Variants in STK40 observed in about 807,000 individuals in gnomAD.
STK40 encodes serine/threonine-protein kinase 40.
A neutral mutation model predicts 47.9 loss-of-function variants in STK40; 13 were observed. The observed-to-expected ratio is 0.27, with a 90% CI of 0.18 to 0.43. The LOEUF is 0.43. STK40 is among the 20% of genes least tolerant of loss of function. STK40 has a pLI of 1.00. For synonymous variants in STK40, 225 were observed against 243.2 expected (o/e 0.93, Z 0.69); for missense variants, 460 against 595.1 (o/e 0.77, Z 2.36).
intron 1 of STK40, among the ~76,000 whole-genome samples, chr1:36,383,288 G>C (rs184668429): frequency 6.6e-6 from 1 of 152,338 alleles, no homozygotes; most frequent in Admixed American, 6.5e-5. Flanking sequence ...TTCCCCAAAG[G>C]TCAGATTAAA....
chr1:36,368,999 A>T (rs1485461548), intron 1 of STK40, among the ~76,000 whole-genome samples: 1 of 152,104 alleles, frequency 6.6e-6, no homozygotes, highest in Admixed American at 6.5e-5. Flanking sequence ...AGCTCCCAAG[A>T]CCTGATTCAC....
At position 36,365,331 on chromosome 1, in the gene STK40, TG is replaced by T. The variant is rs1382916465; in HGVS notation, c.-8-3992del. On this transcript the variant is annotated intron_variant, in intron 1 of 10. Coordinates refer to ENST00000373132, the MANE Select transcript of STK40 (RefSeq NM_001282547.2). ...TAAACCCTAGGAGACTGACTATATG[TG>T]GTGCACCAGAAAGTAAGAGGGATGA... is the stretch of plus-strand genomic sequence containing the variant. Among the ~76,000 whole-genome samples, 7 of 152,206 alleles carry T rather than the reference TG, an allele frequency of 4.6e-5. No individual in the cohort carries two copies. In the East Asian group the frequency reaches 1.3e-3, roughly 29 times the overall value.
intron 1 of STK40, among the ~76,000 whole-genome samples, chr1:36,363,221 T>G (rs1181740534): frequency 1.3e-5 from 2 of 151,910 alleles, no homozygotes; most frequent in African/African-American, 4.8e-5. Flanking sequence ...GAAAATCGCT[T>G]GAACTGGGGA....
chr1:36,345,991 A>ATATATTTTTTTTTTTTTTTT, intron 7 of STK40, among the ~76,000 whole-genome samples: 11 of 26,464 alleles, frequency 4.2e-4, no homozygotes, highest in Non-Finnish European at 6.2e-4. Flanking sequence ...ATATATATAT[A>ATATATTTTTTTTTTTTTTTT]TTTTTTTTTT....
At chr1:36,357,353 G>A (rs1270143251) in intron 4 of STK40, among the ~76,000 whole-genome samples, 3 of 152,214 alleles carry the variant, frequency 2.0e-5, no homozygotes, top group African/African-American at 4.8e-5. Flanking sequence ...GCTGGTCCTG[G>A]CCAGCAAACG....
intron 1 of STK40, among the ~76,000 whole-genome samples, chr1:36,363,684 G>A (rs12082728): frequency 0.011 from 1,706 of 151,214 alleles, 33 homozygotes; most frequent in African/African-American, 0.039. Context: ...GCATGGTGGC[G>A]GGCCCCTGTA....
chr1:36,369,224 T>C (rs895616355), intron 1 of STK40, among the ~76,000 whole-genome samples: 1 of 152,338 alleles, frequency 6.6e-6, no homozygotes, highest in South Asian at 2.1e-4. Context: ...CTTTCTGTAG[T>C]GCAGCTTCAC....
chr1:36,374,320 C>A (rs1291651052), intron 1 of STK40, among the ~76,000 whole-genome samples: 10 of 152,262 alleles, frequency 6.6e-5, no homozygotes. Context: ...CAAGGGGGTG[C>A]ATCCCAGAGA....
intron 4 of STK40, among the ~76,000 whole-genome samples, 166 bp from the exon 5 acceptor site, chr1:36,355,599 G>A (rs1313100873): frequency 6.6e-6 from 1 of 152,174 alleles, no homozygotes; most frequent in Non-Finnish European, 1.5e-5. Flanking sequence ...CCTAGACCAT[G>A]GGGCAGGTCA....
At chr1:36,358,170 C>T (rs1175031126) in intron 4 of STK40, 69 bp downstream of exon 4, 2 of 1,481,794 alleles carry the variant, frequency 1.3e-6, no homozygotes, top group South Asian at 2.8e-5. Context: ...ATGGCTGTGG[C>T]CCCAGCAAGT....
At chr1:36,349,855 C>T (rs1197720281) in intron 6 of STK40, among the ~76,000 whole-genome samples, 1 of 152,162 alleles carries the variant, frequency 6.6e-6, no homozygotes, top group Non-Finnish European at 1.5e-5. Flanking sequence ...TGCCTCTCTA[C>T]CCAACTGCCC....
Position 36,340,930 on chromosome 1 carries a change from G to A in STK40, c.*825C>T, listed in dbSNP as rs1462993701. On this transcript the variant is annotated 3_prime_UTR_variant, in exon 11 of 11. Transcript: ENST00000373132. ...ACGGGGAAGGATAGAGAAGGGAACA[G>A]GTTAACGCGCGTGTACAGCACCTCA... The A allele has an allele frequency of 6.6e-6, 1 of 152,388 alleles. No homozygotes were observed. The highest frequency in any genetic ancestry group is 1.9e-4 in the East Asian group (1 of 5,190). 9.4% of individuals were successfully genotyped at this position (152,388 alleles called of 1,614,324 possible).
intron 6 of STK40, among the ~76,000 whole-genome samples, chr1:36,353,067 G>C (rs1211626735): frequency 6.6e-6 from 1 of 152,234 alleles, no homozygotes; most frequent in Non-Finnish European, 1.5e-5. Context: ...GACCACTGTG[G>C]CTTTGGCCTC....
intron 6 of STK40, among the ~76,000 whole-genome samples, chr1:36,350,635 C>T (rs1215283615): frequency 6.6e-6 from 1 of 152,230 alleles, no homozygotes; most frequent in African/African-American, 2.4e-5. Context: ...TAGCCCAATG[C>T]CTGGCAAATA....
Position 36,341,905 on chromosome 1 carries a change from G to C in STK40, c.1158C>G (p.Ala386=). The change falls in exon 11 of 11, where the codon GCC becomes GCG. Residue 386 remains alanine, a synonymous_variant. Coordinates refer to ENST00000373132, the MANE Select transcript of STK40 (RefSeq NM_001282547.2). The part of the protein sequence containing the change: ...ENYMRQQLLL[A]EEKSSIHDAR... ...CGTCATGGATGGAGCTCTTCTCCTC[G>C]GCCAGCAGCAGCTGCTGACGCATGT... is the stretch of plus-strand genomic sequence containing the variant. 2 of 1,614,016 alleles carry C rather than the reference G, an allele frequency of 1.2e-6. No individual in the cohort carries two copies. The highest frequency in any genetic ancestry group is 1.7e-5 in the Admixed American group (1 of 60,022).
chr1:36,351,535 C>T (rs1646758472), intron 6 of STK40, among the ~76,000 whole-genome samples: 2 of 152,124 alleles, frequency 1.3e-5, no homozygotes, highest in African/African-American at 2.4e-5. Context: ...GCCCATGACT[C>T]AAGTAAAAGG....
At chr1:36,350,836 A>G (rs1646745786) in intron 6 of STK40, among the ~76,000 whole-genome samples, 1 of 152,172 alleles carries the variant, frequency 6.6e-6, no homozygotes, top group Non-Finnish European at 1.5e-5. Context: ...ACGGGCAGGC[A>G]CAGCTGAGGC....
intron 4 of STK40, 93 bp from the exon 5 acceptor site, chr1:36,355,526 A>G (rs1557511802): frequency 7.5e-7 from 1 of 1,327,814 alleles, no homozygotes; most frequent in East Asian, 2.3e-5. Context: ...GGACACTCAA[A>G]CCAGTGAGGG....
chr1:36,352,900 T>C (rs6701013), intron 6 of STK40, among the ~76,000 whole-genome samples: 25,781 of 152,264 alleles, frequency 0.17, 2,850 homozygotes, highest in African/African-American at 0.3. Context: ...GGATGGAGAA[T>C]GCTTAGCAGC....
Sources: allele counts gnomAD v4.1 joint callset (sites outside exome capture counted in the v4.1 genomes callset), GRCh38; gene constraint gnomAD v4.1.1; transcripts MANE v1.5; gene names NCBI Gene and HGNC (gene_info 2026-07-23, HGNC 2026-07-21).